NBEA: variants seen among roughly 807,000 people sequenced by gnomAD.
NBEA encodes lysosomal-trafficking regulator 2.
A neutral mutation model predicts 343.4 loss-of-function variants in NBEA; 44 were observed. The ratio of observed to expected loss-of-function variants is 0.13; its 90% CI spans 0.10 to 0.16. The LOEUF (loss-of-function observed/expected upper bound fraction) is 0.16. NBEA is among the 10% of genes least tolerant of loss of function. The probability of loss-of-function intolerance (pLI) is 1.00; values close to 1 mark genes in which losing one functional copy is unlikely to be tolerated. For synonymous variants in NBEA, 1,175 were observed against 1,238.7 expected, an observed-to-expected ratio of 0.95 and a Z score of 1.08; for missense variants, 2,555 against 3,631.3, an observed-to-expected ratio of 0.70 and a Z score of 7.62.
chr13:35,652,518 G>GTA lies in NBEA; in HGVS notation c.8035+643_8035+644dup, dbSNP rs1456493131. The stretch of plus-strand genomic sequence containing the variant: ...TAGCCAGGCGCGGTGGCGGGCACCT[G>GTA]TAGTCCCAGCTACTCGGGAGGCTGA... On this transcript the variant is annotated intron_variant, in intron 53 of 58. Coordinates refer to ENST00000379939, the MANE Select transcript of NBEA (RefSeq NM_001385012.1). 1.9e-4 allele frequency among the ~76,000 whole-genome samples: 28 copies of GTA among 149,780 alleles called. No homozygotes were observed. The East Asian group carries it at 5.6e-3, about 30-fold the overall frequency.
At chr13:35,621,028 A>T (rs1296774465) in intron 48 of NBEA, among the ~76,000 whole-genome samples, 4 of 152,140 alleles carry the variant, frequency 2.6e-5, no homozygotes, top group Non-Finnish European at 5.9e-5. Flanking sequence ...CAGAAATTCT[A>T]AGCAGCGGAA....
intron 38 of NBEA, among the ~76,000 whole-genome samples, chr13:35,426,180 T>C (rs1246638451): frequency 6.6e-6 from 1 of 152,164 alleles, no homozygotes; most frequent in African/African-American, 2.4e-5. Flanking sequence ...GTGAATTTGA[T>C]CCTGTCATTA....
At chr13:35,048,493 C>T in intron 4 of NBEA, 70 bp from the exon 5 acceptor site, 9 of 1,395,056 alleles carry the variant, frequency 6.5e-6, no homozygotes, top group South Asian at 1.4e-5. Flanking sequence ...CTGCAAAAGC[C>T]ATATTTGACC....
chr13:35,294,752 A>T (rs1486806843), intron 35 of NBEA, among the ~76,000 whole-genome samples: 2 of 152,188 alleles, frequency 1.3e-5, no homozygotes, highest in Admixed American at 1.3e-4. Flanking sequence ...ATAAATGAGC[A>T]GTTACCTTTG....
chr13:35,133,855 GA>G (rs2067566184), intron 17 of NBEA, among the ~76,000 whole-genome samples: 1 of 151,966 alleles, frequency 6.6e-6, no homozygotes, highest in Non-Finnish European at 1.5e-5. Context: ...AGAGTGTGAA[GA>G]ATGGGATGAT....
chr13:35,513,319 T>A, intron 41 of NBEA, among the ~76,000 whole-genome samples: 1 of 144,798 alleles, frequency 6.9e-6, no homozygotes, highest in East Asian at 2.0e-4. Flanking sequence ...TTTTTTTTTT[T>A]TTTTTTTTTT....
chr13:35,483,170 G>A (rs1382720445), intron 41 of NBEA, among the ~76,000 whole-genome samples: 2 of 151,842 alleles, frequency 1.3e-5, no homozygotes, highest in East Asian at 1.9e-4. Flanking sequence ...CTTGGTAGAA[G>A]ATTGATTTTT....
intron 17 of NBEA, among the ~76,000 whole-genome samples, chr13:35,129,499 T>C (rs1280658290): frequency 1.3e-5 from 2 of 152,190 alleles, no homozygotes; most frequent in African/African-American, 4.8e-5. Flanking sequence ...TGAACACCTA[T>C]ATGGAAACAT....
At chr13:35,212,337 C>T (rs774085181) in intron 33 of NBEA, among the ~76,000 whole-genome samples, 30 of 151,976 alleles carry the variant, frequency 2.0e-4, no homozygotes, top group African/African-American at 6.5e-4. Flanking sequence ...TTGCATATAA[C>T]GAGTTTATTC....
intron 39 of NBEA, among the ~76,000 whole-genome samples, chr13:35,437,322 A>G (rs2152934348): frequency 6.6e-6 from 1 of 152,340 alleles, no homozygotes; most frequent in Non-Finnish European, 1.5e-5. Context: ...AGAATTGGAT[A>G]TAATTTCAAG....
At chr13:35,628,373 C>T (rs560408385) in intron 49 of NBEA, 125 bp downstream of exon 49, 3 of 717,430 alleles carry the variant, frequency 4.2e-6, no homozygotes, top group East Asian at 3.1e-5. Flanking sequence ...ATTTCAGGTT[C>T]TTGACATATG....
chr13:35,307,206 T>A (rs1365632392), intron 35 of NBEA, among the ~76,000 whole-genome samples: 1 of 152,050 alleles, frequency 6.6e-6, no homozygotes, highest in East Asian at 1.9e-4. Context: ...TATTTTTTAT[T>A]CCCTATTTGA....
intron 40 of NBEA, among the ~76,000 whole-genome samples, chr13:35,459,612 A>G (rs971834370): frequency 6.6e-6 from 1 of 152,210 alleles, no homozygotes; most frequent in Non-Finnish European, 1.5e-5. Flanking sequence ...GACAGTTGAA[A>G]TAATCAGCTT....
Position 35,305,411 on chromosome 13 carries a change from T to G in NBEA, c.5839-4117T>G, listed in dbSNP as rs543042815. ...TCTTTTTAAAGTTCTTTTCTTATAG[T>G]ATGTTTAGGGTTTGTCACAAGTTCT... On this transcript the variant is annotated intron_variant, in intron 35 of 58. Transcript: ENST00000379939. Among the ~76,000 whole-genome samples the G allele has an allele frequency of 2.0e-3, 306 of 152,284 alleles. 1 individual carries two copies. The highest frequency in any genetic ancestry group is 7.1e-3 in the African/African-American group (295 of 41,556).
At chr13:35,288,597 A>G (rs2035591893) in intron 34 of NBEA, among the ~76,000 whole-genome samples, 1 of 151,992 alleles carries the variant, frequency 6.6e-6, no homozygotes, top group South Asian at 2.1e-4. Flanking sequence ...TGGTATTTGT[A>G]AAAAACTATA....
chr13:35,539,779 G>A (rs7986291), intron 41 of NBEA, among the ~76,000 whole-genome samples: 4 of 151,400 alleles, frequency 2.6e-5, no homozygotes, highest in Non-Finnish European at 5.9e-5. Context: ...AGCCGGGCGT[G>A]GTGGCGGGCG....
Position 35,612,233 on chromosome 13 carries a change from C to T in NBEA, c.7449+5655C>T, listed in dbSNP as rs933897509. ...CTACAAGCTCTGCCTCCTGGGTTCACGCCATTCTCCTGCCACAGCCTCCTG... is the reference window on the plus strand; with the variant it reads ...CTACAAGCTCTGCCTCCTGGGTTCATGCCATTCTCCTGCCACAGCCTCCTG... On this transcript the variant is annotated intron_variant, in intron 48 of 58. Transcript: ENST00000379939. Among the ~76,000 whole-genome samples, 7 of 151,904 alleles carry T rather than the reference C, an allele frequency of 4.6e-5. 1 individual carries two copies. In the South Asian group the frequency reaches 8.3e-4, roughly 18 times the overall value.
intron 34 of NBEA, among the ~76,000 whole-genome samples, chr13:35,274,412 G>C (rs570875770): frequency 2.6e-5 from 4 of 152,124 alleles, no homozygotes; most frequent in Non-Finnish European, 5.9e-5. Context: ...ATATCATACT[G>C]AATGGGCAAA....
At chr13:35,454,950 A>G (rs2046491998) in intron 40 of NBEA, among the ~76,000 whole-genome samples, 1 of 152,092 alleles carries the variant, frequency 6.6e-6, no homozygotes, top group Admixed American at 6.5e-5. Flanking sequence ...TCTTATATTT[A>G]TTTGCTATCT....
Sources: gnomAD v4.1 joint callset for allele counts (sites outside exome capture counted in the v4.1 genomes callset) on GRCh38, gnomAD v4.1.1 for gene constraint, MANE v1.5 for transcripts, NCBI Gene and HGNC (gene_info 2026-07-23, HGNC 2026-07-21) for gene names.